VPS13C: variants seen among roughly 807,000 people sequenced by gnomAD.
The protein encoded by VPS13C is intermembrane lipid transfer protein VPS13C.
In VPS13C, 358 loss-of-function variants were observed where a neutral mutation model predicts 456.8. The ratio of observed to expected loss-of-function variants is 0.78; its 90% CI spans 0.72 to 0.86. The LOEUF (loss-of-function observed/expected upper bound fraction) is 0.86, where lower values mean the gene tolerates loss of function less well. Ranked by LOEUF, VPS13C falls within the 40% of genes least tolerant of loss-of-function variation. VPS13C has a pLI of 0.00. For synonymous variants in VPS13C, 1,578 were observed against 1,486.7 expected (o/e 1.06, Z -1.41); for missense variants, 4,818 against 4,385.4 (o/e 1.10, Z -2.79).
chr15:62,026,744 CA>C (rs1490316053), intron 6 of VPS13C, among the ~76,000 whole-genome samples: 1 of 152,016 alleles, frequency 6.6e-6, no homozygotes, highest in Non-Finnish European at 1.5e-5. Context: ...TGCTGTTGCA[CA>C]AAATATTAAA....
chr15:61,854,169 C>T lies in VPS13C; in HGVS notation c.*288G>A, dbSNP rs1893784607. Reference sequence around the variant, plus strand: ...TATAAGCCTATTGACCTTTGCTTCACAATTTTAATATTAATGAAAATTTCA... The same window carrying T: ...TATAAGCCTATTGACCTTTGCTTCATAATTTTAATATTAATGAAAATTTCA... On this transcript the variant is annotated 3_prime_UTR_variant, in exon 85 of 85. Transcript: ENST00000644861. 2.3e-6 allele frequency: 1 copy of T among 426,116 alleles called. No homozygotes were observed. Among genetic ancestry groups the T allele is most frequent in the African/African-American group, 1.9e-5 (1 of 51,376 alleles). The allele number at this position is 426,116 out of a possible 1,614,324, so 26.4% of individuals were successfully genotyped here.
intron 79 of VPS13C, 97 bp downstream of exon 79, chr15:61,871,892 T>C: frequency 9.4e-7 from 1 of 1,065,092 alleles, no homozygotes; most frequent in Non-Finnish European, 1.4e-6. Flanking sequence ...GTCAGTAATT[T>C]TCTCAATCAA....
chr15:61,988,600 AT>A (rs1329359786), intron 18 of VPS13C, among the ~76,000 whole-genome samples: 3 of 152,332 alleles, frequency 2.0e-5, no homozygotes, highest in African/African-American at 7.2e-5. Context: ...TGATTCTAAA[AT>A]TTATGTGGAA....
Position 61,981,496 on chromosome 15 carries a change from A to G in VPS13C, c.2030-18T>C. On this transcript the variant is annotated intron_variant, in intron 21 of 84. Transcript: ENST00000644861. ...TGTAAGTCCTAAAGACGTAAGAAATAATGACAGATTAGATGGTCAAGTTGA... is the reference window on the plus strand; with the variant it reads ...TGTAAGTCCTAAAGACGTAAGAAATGATGACAGATTAGATGGTCAAGTTGA... The G allele has an allele frequency of 6.4e-7, 1 of 1,566,776 alleles. No individual in the cohort carries two copies. Among genetic ancestry groups the G allele is most frequent in the Non-Finnish European group, 8.6e-7 (1 of 1,161,144 alleles).
intron 66 of VPS13C, among the ~76,000 whole-genome samples, chr15:61,897,723 C>A (rs2042872150): frequency 6.6e-6 from 1 of 152,014 alleles, no homozygotes; most frequent in Admixed American, 6.5e-5. Context: ...TAAGACAGGC[C>A]AACGTTCAGA....
chr15:61,961,927 A>G, intron 34 of VPS13C, 34 bp from the exon 35 acceptor site: 1 of 1,576,446 alleles, frequency 6.3e-7, no homozygotes, highest in Non-Finnish European at 8.6e-7. Context: ...AGAAATTCAA[A>G]GAGAATACAG....
At chr15:61,953,420 T>C (rs1191256505) in intron 38 of VPS13C, among the ~76,000 whole-genome samples, 1 of 126,278 alleles carries the variant, frequency 7.9e-6, no homozygotes, top group Non-Finnish European at 1.6e-5. Context: ...CCCCAGAATG[T>C]GATGTTCCCC....
intron 23 of VPS13C, among the ~76,000 whole-genome samples, chr15:61,977,939 T>C (rs1317576830): frequency 1.3e-5 from 2 of 152,060 alleles, no homozygotes; most frequent in Non-Finnish European, 2.9e-5. Context: ...TACTAGAGTA[T>C]AAACTCTGCA....
At chr15:61,905,413 T>A (rs539978164) in intron 66 of VPS13C, among the ~76,000 whole-genome samples, 1 of 152,166 alleles carries the variant, frequency 6.6e-6, no homozygotes, top group South Asian at 2.1e-4. Flanking sequence ...TTAAATCTTA[T>A]GTTGTAATTT....
At chr15:61,883,442 G>T (rs1011785867) in intron 68 of VPS13C, among the ~76,000 whole-genome samples, 28 of 152,206 alleles carry the variant, frequency 1.8e-4, no homozygotes, top group African/African-American at 6.5e-4. Flanking sequence ...GGCCAAAATT[G>T]GTGGGGGTGC....
intron 83 of VPS13C, among the ~76,000 whole-genome samples, chr15:61,856,032 A>T (rs1893884298): frequency 6.6e-6 from 1 of 152,168 alleles, no homozygotes; most frequent in Non-Finnish European, 1.5e-5. Flanking sequence ...CTAATGCTTA[A>T]TTCTACCAAA....
Position 61,991,706 on chromosome 15 carries a change from TAG to T in VPS13C, c.1448_1449del (p.Ser483Ter), listed in dbSNP as rs1319853626. 6.2e-7 allele frequency: 1 copy of T among 1,612,704 alleles called. No individual in the cohort carries two copies. The highest frequency in any genetic ancestry group is 1.7e-5 in the Admixed American group (1 of 59,976). On this transcript the variant is annotated frameshift_variant, in exon 17 of 85. Coordinates refer to ENST00000644861, the MANE Select transcript of VPS13C (RefSeq NM_020821.3). LOFTEE classifies it high-confidence loss of function. Reference sequence around the variant, plus strand: ...ATCAATGATTCTTCGTCCTTTTTCTTAGACTCTTTCTTACCCCACAACCCACT... The same window carrying T: ...ATCAATGATTCTTCGTCCTTTTTCTTACTCTTTCTTACCCCACAACCCACT... ...WFSGLWGKKESKKKDEESLIP... is the reference protein window; with the variant it reads ...WFSGLWGKKEXKKKDEESLIP...
intron 66 of VPS13C, among the ~76,000 whole-genome samples, chr15:61,902,623 A>T (rs2043034649): frequency 6.7e-6 from 1 of 149,290 alleles, no homozygotes; most frequent in African/African-American, 2.6e-5. Flanking sequence ...AGATGCTAAA[A>T]AAGCGTTTGA....
intron 83 of VPS13C, 108 bp downstream of exon 83, chr15:61,856,178 T>C (rs1893893172): frequency 7.6e-7 from 1 of 1,308,116 alleles, no homozygotes; most frequent in Non-Finnish European, 1.1e-6. Flanking sequence ...CATCTCAGCA[T>C]ATAGTAGTAA....
intron 82 of VPS13C, among the ~76,000 whole-genome samples, chr15:61,857,781 G>A (rs1894003480): frequency 6.6e-6 from 1 of 152,186 alleles, no homozygotes; most frequent in South Asian, 2.1e-4. Context: ...GCTCTGAGAA[G>A]GGGGAAGAAA....
rs1233649678 is a variant in VPS13C at position 61,920,245 on chromosome 15, G to A, written c.7299C>T (p.Pro2433=). Residue 2433 remains proline, a synonymous_variant, in exon 57 of 85, where the codon CCC becomes CCT. Transcript: ENST00000644861. ...GATTACAATTGGGCTTCACCTTAAT[G>A]GGAACACCTACAGCATTTTTTACCG... The part of the protein sequence containing the change: ...PFTVKNAVGV[P]IKVKPNCNLR... The A allele has an allele frequency of 1.2e-6, 2 of 1,613,524 alleles. No individual in the cohort carries two copies. Among genetic ancestry groups the A allele is most frequent in the South Asian group, 2.2e-5 (2 of 91,034 alleles).
intron 18 of VPS13C, among the ~76,000 whole-genome samples, chr15:61,985,725 G>C (rs1292796144): frequency 1.3e-5 from 2 of 152,158 alleles, no homozygotes; most frequent in African/African-American, 4.8e-5. Context: ...TGCAGAGTTA[G>C]TAAGACACTG....
chr15:61,873,331 T>A lies in VPS13C; in HGVS notation c.10493A>T (p.Tyr3498Phe). 6.2e-7 allele frequency: 1 copy of A among 1,613,718 alleles called. No homozygotes were observed. The highest frequency in any genetic ancestry group is 2.2e-5 in the East Asian group (1 of 44,860). Residue 3498 changes from tyrosine (Y) to phenylalanine (F), a missense_variant, in exon 78 of 85, where the codon TAT (tyrosine) becomes TTT (phenylalanine). By Grantham distance (22) the Tyr-to-Phe change is conservative. Around this residue, in one of 3 missense-constraint regions of VPS13C, gnomAD observed 4,552 missense variants for 4,130.6 expected, o/e 1.10. Coordinates refer to ENST00000644861, the MANE Select transcript of VPS13C (RefSeq NM_020821.3). Reference sequence around the variant, plus strand: ...CAACTCTTCTCTTCTTTTTTGCTGATATTCCTTGTCCATTGTAATTGCTGC... The same window carrying A: ...CAACTCTTCTCTTCTTTTTTGCTGAAATTCCTTGTCCATTGTAATTGCTGC... ...GLAAITMDKE[Y>F]QQKRREELSR... is the part of the protein sequence containing the mutation.
intron 21 of VPS13C, among the ~76,000 whole-genome samples, chr15:61,982,134 T>C (rs1335544300): frequency 1.3e-5 from 2 of 152,220 alleles, no homozygotes; most frequent in Non-Finnish European, 2.9e-5. Flanking sequence ...TAAGTATCTT[T>C]CAAACTATAT....
Sources: allele counts gnomAD v4.1 joint callset (sites outside exome capture counted in the v4.1 genomes callset), GRCh38; gene constraint gnomAD v4.1.1; regional missense constraint gnomAD v4.1.1; transcripts MANE v1.5; gene names NCBI Gene and HGNC (gene_info 2026-07-23, HGNC 2026-07-21).